Variants in CHD9NB observed in about 807,000 individuals in gnomAD.
CHD9NB encodes CHD9 neighbor protein.
the CHD9NB span, among the ~76,000 whole-genome samples, chr16:53,039,576 C>A: frequency 6.6e-6 from 1 of 152,132 alleles, no homozygotes; most frequent in Non-Finnish European, 1.5e-5. Flanking sequence ...AAAACCCCGT[C>A]TCTACTAAAA....
At chr16:53,048,060 AAAGG>A in the CHD9NB span, among the ~76,000 whole-genome samples, 125 of 150,400 alleles carry the variant, frequency 8.3e-4, 1 homozygote, top group African/African-American at 8.3e-4. Context: ...GGGAGGGAGG[AAAGG>A]AAGGAAGGAA....
the CHD9NB span, among the ~76,000 whole-genome samples, chr16:53,042,438 C>G: frequency 1.3e-5 from 2 of 150,074 alleles, no homozygotes; most frequent in South Asian, 4.3e-4. Context: ...CCTCCTTTTT[C>G]TTCTTGCCCT....
At chr16:53,047,198 T>C in the CHD9NB span, 1 of 152,116 alleles carries the variant, frequency 6.6e-6, no homozygotes, top group Non-Finnish European at 1.5e-5. Context: ...TTGGAAAACA[T>C]ACTGACCCTG....
the CHD9NB span, among the ~76,000 whole-genome samples, chr16:53,049,366 G>C: frequency 1.3e-5 from 2 of 149,678 alleles, no homozygotes; most frequent in South Asian, 2.1e-4. Flanking sequence ...GTGTAAACAG[G>C]GGTCTCACTA....
the CHD9NB span, among the ~76,000 whole-genome samples, chr16:53,050,754 C>T: frequency 2.0e-5 from 3 of 152,160 alleles, no homozygotes; most frequent in South Asian, 6.2e-4. Flanking sequence ...GTACCCAGGC[C>T]CTTTCCCTTT....
the CHD9NB span, among the ~76,000 whole-genome samples, chr16:53,051,763 GTATAAATATATATA>G: frequency 1.0e-3 from 90 of 87,170 alleles, 2 homozygotes; most frequent in African/African-American, 5.4e-3. Flanking sequence ...CAACTTAAAA[GTATAAATATATATA>G]TATATATATA....
the CHD9NB span, chr16:53,052,888 T>G: frequency 1.1e-5 from 2 of 181,160 alleles, no homozygotes; most frequent in African/African-American, 4.8e-5. Context: ...TGTCCACAGA[T>G]GACACCTCCT....
At chr16:53,041,206 T>C in the CHD9NB span, among the ~76,000 whole-genome samples, 2 of 152,266 alleles carry the variant, frequency 1.3e-5, no homozygotes, top group African/African-American at 2.4e-5. Context: ...TCCAGCAGTT[T>C]GGGAAGTTGG....
chr16:53,037,130 T>C, the CHD9NB span, among the ~76,000 whole-genome samples: 3 of 152,160 alleles, frequency 2.0e-5, no homozygotes, highest in African/African-American at 7.2e-5. Context: ...GAGATGGGGT[T>C]TCACCATGTT....
the CHD9NB span, among the ~76,000 whole-genome samples, chr16:53,046,713 C>T: frequency 2.0e-5 from 3 of 152,148 alleles, 1 homozygote; most frequent in Admixed American, 2.0e-4. Context: ...AAAAAGAAGC[C>T]TTGTCTTGCC....
chr16:53,039,297 G>T, the CHD9NB span, among the ~76,000 whole-genome samples: 1 of 152,266 alleles, frequency 6.6e-6, no homozygotes, highest in South Asian at 2.1e-4. Context: ...TGATCAGGAC[G>T]ATGTCTCTCC....
the CHD9NB span, among the ~76,000 whole-genome samples, chr16:53,041,334 C>A: frequency 6.6e-6 from 1 of 152,214 alleles, no homozygotes; most frequent in Admixed American, 6.5e-5. Flanking sequence ...ACGAGTGATG[C>A]TAGGCTCCAG....
the CHD9NB span, among the ~76,000 whole-genome samples, chr16:53,048,264 G>A: frequency 2.0e-5 from 3 of 151,940 alleles, no homozygotes; most frequent in Non-Finnish European, 2.9e-5. Flanking sequence ...AAATTAGCTG[G>A]GTGTGGTGGC....
chr16:53,036,932 G>A, the CHD9NB span, among the ~76,000 whole-genome samples: 1 of 151,982 alleles, frequency 6.6e-6, no homozygotes, highest in African/African-American at 2.4e-5. Context: ...CCTCACGTTG[G>A]CTTCATCAAA....
At chr16:53,048,351 T>C in the CHD9NB span, among the ~76,000 whole-genome samples, 1 of 151,546 alleles carries the variant, frequency 6.6e-6, no homozygotes, top group Non-Finnish European at 1.5e-5. Flanking sequence ...GAGTTAGAGA[T>C]TGCAGTGTGC....
chr16:53,041,053 AG>A, the CHD9NB span, among the ~76,000 whole-genome samples: 26 of 151,930 alleles, frequency 1.7e-4, no homozygotes, highest in Non-Finnish European at 1.5e-5. Flanking sequence ...GAAGGACTGA[AG>A]AACAGATGGG....
chr16:53,044,334 TG>T, the CHD9NB span: 1 of 394,944 alleles, frequency 2.5e-6, no homozygotes, highest in Non-Finnish European at 4.5e-6. Context: ...GAGCCCCCTG[TG>T]GGGTGGGCAG....
chr16:53,041,937 G>C, the CHD9NB span, among the ~76,000 whole-genome samples: 4 of 152,176 alleles, frequency 2.6e-5, no homozygotes, highest in African/African-American at 9.7e-5. Context: ...AGGGCTTTGG[G>C]CCAGCTGACA....
At chr16:53,043,697 A>T in the CHD9NB span, 13 of 230,264 alleles carry the variant, frequency 5.6e-5, no homozygotes, top group Admixed American at 1.7e-4. Context: ...CACTGGAGCC[A>T]GAACAGTCTG....
Sources: gnomAD v4.1 joint callset for allele counts (sites outside exome capture counted in the v4.1 genomes callset) on GRCh38, gnomAD v4.1.1 for gene constraint, MANE v1.5 for transcripts, NCBI Gene and HGNC (gene_info 2026-07-23, HGNC 2026-07-21) for gene names.